The following ASTN2 variants were observed in gnomAD, a reference collection of about 807,000 sequenced individuals.
The protein encoded by ASTN2 is astrotactin-2.
Under a neutral mutation model 139.8 loss-of-function variants are expected in ASTN2, and 54 were observed. The ratio of observed to expected loss-of-function variants is 0.39; its 90% confidence interval spans 0.31 to 0.48. The LOEUF is 0.48. ASTN2 is among the 20% of genes least tolerant of loss of function. ASTN2 has a pLI of 0.95. For missense variants in ASTN2, 1,565 were observed against 1,725.1 expected (o/e 0.91, Z 1.64); for synonymous variants, 756 against 719.5 (o/e 1.05, Z -0.81).
At chr9:117,195,652 C>G (rs1831481255) in intron 3 of ASTN2, among the ~76,000 whole-genome samples, 1 of 152,012 alleles carries the variant, frequency 6.6e-6, no homozygotes, top group African/African-American at 2.4e-5. Flanking sequence ...GCTTGAACAC[C>G]AAGATAAGAC....
At chr9:116,573,932 A>C (rs866167243) in intron 19 of ASTN2, among the ~76,000 whole-genome samples, 17 of 152,338 alleles carry the variant, frequency 1.1e-4, no homozygotes, top group Middle Eastern at 3.4e-3. Context: ...ATTGTTTTTA[A>C]AATCATATAA....
At chr9:117,232,454 C>A (rs2133058986) in intron 2 of ASTN2, among the ~76,000 whole-genome samples, 1 of 152,264 alleles carries the variant, frequency 6.6e-6, no homozygotes, top group East Asian at 1.9e-4. Context: ...AAGCAGCCTT[C>A]TGCTCTGCCC....
chr9:116,810,275 C>T (rs974310637), intron 12 of ASTN2, among the ~76,000 whole-genome samples: 2 of 152,116 alleles, frequency 1.3e-5, no homozygotes, highest in African/African-American at 4.8e-5. Flanking sequence ...AGGTTTTGCA[C>T]GTGTCTTTTG....
intron 13 of ASTN2, among the ~76,000 whole-genome samples, chr9:116,761,371 A>G (rs1829668665): frequency 6.6e-6 from 1 of 152,192 alleles, no homozygotes. Context: ...TCCTGTTGAA[A>G]TAGACATGGG....
At chr9:116,482,250 C>T (rs903465895) in intron 20 of ASTN2, among the ~76,000 whole-genome samples, 2 of 151,986 alleles carry the variant, frequency 1.3e-5, no homozygotes, top group East Asian at 1.9e-4. Context: ...GGCGTGAACC[C>T]GGGAGGTGGA....
intron 13 of ASTN2, among the ~76,000 whole-genome samples, chr9:116,756,608 G>T (rs1472980580): frequency 6.6e-6 from 1 of 151,892 alleles, no homozygotes; most frequent in Non-Finnish European, 1.5e-5. Context: ...CAGTGAATTT[G>T]TACCAATAAA....
In ASTN2 at chr9:117,036,017, G is replaced by T. The variant is rs951469470; in HGVS notation, c.1423+3802C>A. 2.0e-5 allele frequency among the ~76,000 whole-genome samples: 3 copies of T among 152,032 alleles called. No individual in the cohort carries two copies. The East Asian group carries it at 5.8e-4, about 29-fold the overall frequency. ...ATAAGAGTAATAACAGCTACCATTTGTTGGGCTATCACAATGTTTTAGACA... is the reference window on the plus strand; with the variant it reads ...ATAAGAGTAATAACAGCTACCATTTTTTGGGCTATCACAATGTTTTAGACA... On this transcript the variant is annotated intron_variant, in intron 6 of 22. Coordinates refer to ENST00000313400, the MANE Select transcript of ASTN2 (RefSeq NM_001365068.1).
At chr9:116,887,098 TA>T (rs1833626270) in intron 10 of ASTN2, among the ~76,000 whole-genome samples, 1 of 152,206 alleles carries the variant, frequency 6.6e-6, no homozygotes, top group Non-Finnish European at 1.5e-5. Flanking sequence ...AATAATGTGC[TA>T]AGTTCCTTAT....
intron 6 of ASTN2, among the ~76,000 whole-genome samples, chr9:117,023,082 G>A (rs1837936686): frequency 6.6e-6 from 1 of 152,176 alleles, no homozygotes; most frequent in Admixed American, 6.5e-5. Context: ...GGCATTGAAA[G>A]TCTTCATGAG....
intron 1 of ASTN2, among the ~76,000 whole-genome samples, chr9:117,303,002 A>C (rs1834912944): frequency 6.6e-6 from 1 of 152,178 alleles, no homozygotes; most frequent in African/African-American, 2.4e-5. Flanking sequence ...TTTCTTCTGC[A>C]TACATGGATG....
At chr9:116,713,265 G>C (rs963554092) in intron 16 of ASTN2, among the ~76,000 whole-genome samples, 1 of 152,084 alleles carries the variant, frequency 6.6e-6, no homozygotes, top group South Asian at 2.1e-4. Flanking sequence ...TCTCCAAAAG[G>C]AGCCTTCTTT....
intron 10 of ASTN2, among the ~76,000 whole-genome samples, chr9:116,925,506 C>T (rs1834727972): frequency 6.6e-6 from 1 of 152,194 alleles, no homozygotes; most frequent in African/African-American, 2.4e-5. Context: ...CCTGGAAGGA[C>T]ATGCAGATGT....
At chr9:117,331,384 G>C (rs1587954570) in intron 1 of ASTN2, among the ~76,000 whole-genome samples, 1 of 152,168 alleles carries the variant, frequency 6.6e-6, no homozygotes, top group Admixed American at 6.5e-5. Flanking sequence ...GGACTCAGTT[G>C]TGTGTGCTTC....
At chr9:116,523,194 T>C (rs1056565743) in intron 19 of ASTN2, among the ~76,000 whole-genome samples, 4 of 151,960 alleles carry the variant, frequency 2.6e-5, no homozygotes, top group Non-Finnish European at 5.9e-5. Flanking sequence ...CATTATATAA[T>C]TCAGAGACCT....
chr9:116,897,410 G>A (rs3843826), intron 10 of ASTN2, among the ~76,000 whole-genome samples: 2 of 152,060 alleles, frequency 1.3e-5, no homozygotes, highest in Non-Finnish European at 2.9e-5. Context: ...AAGGATTACA[G>A]GCCATTTAGG....
intron 5 of ASTN2, among the ~76,000 whole-genome samples, chr9:117,050,155 G>C (rs1464540150): frequency 1.3e-5 from 2 of 152,102 alleles, no homozygotes; most frequent in Non-Finnish European, 2.9e-5. Context: ...ATGAATTGGA[G>C]GGTGGCAAAG....
chr9:116,561,087 G>A (rs1852887891), intron 19 of ASTN2, among the ~76,000 whole-genome samples: 1 of 152,114 alleles, frequency 6.6e-6, no homozygotes, highest in African/African-American at 2.4e-5. Context: ...AACATGTTGA[G>A]AACCAATGCT....
In ASTN2 at chr9:116,487,345, C is replaced by G; in HGVS notation, c.3497+14G>C. On this transcript the variant is annotated intron_variant, in intron 20 of 22. Transcript: ENST00000313400. ...TGTCTGCCTCATGATCCCCACACAC[C>G]CAACACATCTTACTTGTAGAGACCG... 6.2e-7 allele frequency: 1 copy of G among 1,613,126 alleles called. No homozygotes were observed. Among genetic ancestry groups the G allele is most frequent in the Non-Finnish European group, 8.5e-7 (1 of 1,179,482 alleles).
At chr9:116,854,659 T>C (rs1832691773) in intron 11 of ASTN2, among the ~76,000 whole-genome samples, 1 of 150,728 alleles carries the variant, frequency 6.6e-6, no homozygotes, top group Middle Eastern at 3.2e-3. Context: ...CTCTTTTTTT[T>C]TTTTTTTTTT....
Sources: gnomAD v4.1 joint callset for allele counts (sites outside exome capture counted in the v4.1 genomes callset) on GRCh38, gnomAD v4.1.1 for gene constraint, MANE v1.5 for transcripts, NCBI Gene and HGNC (gene_info 2026-07-23, HGNC 2026-07-21) for gene names.